ATRN: variants seen among roughly 807,000 people sequenced by gnomAD.
ATRN encodes attractin-2.
ATRN carries 54 observed loss-of-function variants against 178.7 expected under a neutral mutation model. The observed-to-expected ratio is 0.30, with a 90% CI of 0.24 to 0.38. The LOEUF is 0.38. Among genes scored for constraint, ATRN ranks in the 10% least tolerant of loss-of-function variants. The pLI is 1.00. For missense variants in ATRN, 1,443 were observed against 1,815.1 expected, an observed-to-expected ratio of 0.79 and a Z score of 3.73; for synonymous variants, 636 against 663.0, an observed-to-expected ratio of 0.96 and a Z score of 0.63.
chr20:3,603,548 G>A (rs1222251690), intron 23 of ATRN, among the ~76,000 whole-genome samples: 7 of 150,962 alleles, frequency 4.6e-5, no homozygotes, highest in Admixed American at 4.6e-4. Context: ...GGAGTGCAAT[G>A]GCGCAATCTT....
chr20:3,586,902 T>C (rs1036796293), intron 18 of ATRN, among the ~76,000 whole-genome samples: 1 of 152,234 alleles, frequency 6.6e-6, no homozygotes, highest in Non-Finnish European at 1.5e-5. Flanking sequence ...TTGCCAATAC[T>C]TGTTACTATC....
intron 1 of ATRN, among the ~76,000 whole-genome samples, chr20:3,531,829 G>A (rs751359175): frequency 6.6e-6 from 1 of 152,072 alleles, no homozygotes; most frequent in Non-Finnish European, 1.5e-5. Context: ...AACAAGATTC[G>A]TCTGTGATCA....
chr20:3,532,929 A>AT (rs1200750440), intron 1 of ATRN, among the ~76,000 whole-genome samples: 1 of 152,092 alleles, frequency 6.6e-6, no homozygotes, highest in East Asian at 1.9e-4. Flanking sequence ...CGCCCAGCTA[A>AT]TTTTTTGTAA....
At position 3,638,896 on chromosome 20, in the gene ATRN, A is replaced by T. The variant is rs1017365455; in HGVS notation, c.4011A>T (p.Thr1337=). 6.2e-6 allele frequency: 10 copies of T among 1,614,088 alleles called. No homozygotes were observed. Among genetic ancestry groups the T allele is most frequent in the Non-Finnish European group, 8.5e-6 (10 of 1,180,044 alleles). ...CCTCTGTAAATGTCGCCTTGGAAACAGATGAGGAGCCTCCTGATCTTATTG... is the reference window on the plus strand; with the variant it reads ...CCTCTGTAAATGTCGCCTTGGAAACTGATGAGGAGCCTCCTGATCTTATTG... ...PFASVNVALE[T]DEEPPDLIGG... is the part of the protein sequence containing the mutation. The change falls in exon 27 of 29, where the codon ACA becomes ACT. Residue 1337 remains threonine, a synonymous_variant. Transcript: ENST00000262919. The surrounding 1 kb of genome is among the most constrained non-coding windows in gnomAD (Gnocchi z 4.5).
intron 24 of ATRN, among the ~76,000 whole-genome samples, chr20:3,620,102 CA>C (rs914843977): frequency 3.9e-5 from 6 of 152,236 alleles, no homozygotes; most frequent in African/African-American, 1.4e-4. Context: ...TCCCACTCCC[CA>C]AAAGAGCCAA....
chr20:3,508,610 G>T (rs930380655), intron 1 of ATRN, among the ~76,000 whole-genome samples: 1 of 152,174 alleles, frequency 6.6e-6, no homozygotes, highest in Non-Finnish European at 1.5e-5. Context: ...ATACAGAGGG[G>T]ATTAATCACC....
chr20:3,601,278 C>T (rs2086604186), intron 23 of ATRN, among the ~76,000 whole-genome samples: 1 of 152,114 alleles, frequency 6.6e-6, no homozygotes, highest in African/African-American at 2.4e-5. Flanking sequence ...TTATACCTAC[C>T]AGAGCTTGCT....
rs553631731 is a variant in ATRN at position 3,530,452 on chromosome 20, T to G, written c.411-4801T>G. Among the ~76,000 whole-genome samples the G allele has an allele frequency of 4.4e-3, 653 of 149,778 alleles. 4 individuals carry two copies. Among genetic ancestry groups the G allele is most frequent in the Non-Finnish European group, 5.8e-3 (394 of 67,544 alleles). ...CTAATTTTTTTTTCTTTTTTTTTTT[T>G]GTATTTTTAGTAGAGATGGGTTTTT... On this transcript the variant is annotated intron_variant, in intron 1 of 28. Coordinates refer to ENST00000262919, the MANE Select transcript of ATRN (RefSeq NM_139321.3).
At position 3,560,838 on chromosome 20, in the gene ATRN, C is replaced by A. The variant is rs145699248; in HGVS notation, c.1380C>A (p.Val460=). The change falls in exon 8 of 29, where the codon GTC becomes GTA. Residue 460 remains valine, a synonymous_variant. Transcript: ENST00000262919. ...HIVTLKNGRV[V]MLVIFGHCPL... is the part of the protein sequence containing the mutation. Reference sequence around the variant, plus strand: ...TTACACTGAAGAATGGCCGAGTGGTCATGCTGGTCATCTTTGGTCACTGCC... The same window carrying A: ...TTACACTGAAGAATGGCCGAGTGGTAATGCTGGTCATCTTTGGTCACTGCC... 74 of 1,614,068 alleles carry A rather than the reference C, an allele frequency of 4.6e-5. No homozygotes were observed. The African/African-American group carries it at 8.9e-4, about 19-fold the overall frequency.
At chr20:3,641,365 C>T (rs965199062) in intron 27 of ATRN, among the ~76,000 whole-genome samples, 4 of 151,588 alleles carry the variant, frequency 2.6e-5, no homozygotes, top group East Asian at 1.9e-4. Context: ...CCGAGGCGGG[C>T]GGATCACTTG....
chr20:3,641,733 C>T (rs2087070732), intron 27 of ATRN, among the ~76,000 whole-genome samples: 1 of 151,498 alleles, frequency 6.6e-6, no homozygotes, highest in Admixed American at 6.6e-5. Context: ...GAATAGTGTG[C>T]CCAGTAAGCA....
intron 25 of ATRN, among the ~76,000 whole-genome samples, chr20:3,627,471 T>G (rs1239447259): frequency 1.3e-5 from 2 of 152,114 alleles, no homozygotes; most frequent in Admixed American, 6.5e-5. Flanking sequence ...GAGCAAAAAT[T>G]AATGATCTAA....
chr20:3,545,364 C>CA (rs1332216289), intron 3 of ATRN, among the ~76,000 whole-genome samples: 20,173 of 85,986 alleles, frequency 0.23, 1,891 homozygotes, highest in Middle Eastern at 0.3. Context: ...AACTCTGTCT[C>CA]AAAAAAAAAA....
chr20:3,629,051 A>C (rs2086969134), intron 25 of ATRN: 1 of 985,018 alleles, frequency 1.0e-6, no homozygotes, highest in South Asian at 4.7e-5. Context: ...TGCTGGTTCC[A>C]AGCCACTTCT....
chr20:3,578,913 G>A, intron 15 of ATRN, 141 bp downstream of exon 15: 1 of 701,340 alleles, frequency 1.4e-6, no homozygotes, highest in Non-Finnish European at 2.2e-6. Flanking sequence ...CAGCCTGAGG[G>A]ACTGTGGGTT....
chr20:3,601,039 A>G lies in ATRN; in HGVS notation c.3643+15A>G, dbSNP rs2146286286. On this transcript the variant is annotated intron_variant, in intron 23 of 28. Transcript: ENST00000262919. Reference sequence around the variant, plus strand: ...CAGTTTCTCAGGTAAAGACATACCTAGAGAAGACCCCGCAAATGAAGGTGT... The same window carrying G: ...CAGTTTCTCAGGTAAAGACATACCTGGAGAAGACCCCGCAAATGAAGGTGT... 1.3e-6 allele frequency: 2 copies of G among 1,590,232 alleles called. No homozygotes were observed. The highest frequency in any genetic ancestry group is 2.2e-5 in the East Asian group (1 of 44,738).
chr20:3,481,350 C>T (rs540917050), intron 1 of ATRN, among the ~76,000 whole-genome samples: 7 of 152,086 alleles, frequency 4.6e-5, no homozygotes, highest in South Asian at 2.1e-4. Flanking sequence ...GATTGATCTT[C>T]GAGTGTTTGA....
chr20:3,592,479 T>G, intron 19 of ATRN: 1 of 984,630 alleles, frequency 1.0e-6, no homozygotes, highest in Non-Finnish European at 1.2e-6. Flanking sequence ...CAATAGGACA[T>G]TTTATTATGA....
chr20:3,519,122 A>G (rs1282798100), intron 1 of ATRN, among the ~76,000 whole-genome samples: 2 of 152,052 alleles, frequency 1.3e-5, no homozygotes, highest in Non-Finnish European at 2.9e-5. Context: ...ATGAAGCTGC[A>G]GATCCTGGAA....
Sources: gnomAD v4.1 joint callset for allele counts (sites outside exome capture counted in the v4.1 genomes callset) on GRCh38, gnomAD v4.1.1 for gene constraint, Gnocchi (gnomAD v3.1) non-coding constraint, MANE v1.5 for transcripts, NCBI Gene and HGNC (gene_info 2026-07-23, HGNC 2026-07-21) for gene names.